Variants in MARCHF3 observed in about 807,000 individuals in gnomAD.
MARCHF3 encodes the protein E3 ubiquitin-protein ligase MARCHF3.
A neutral mutation model predicts 24.2 loss-of-function variants in MARCHF3; 13 were observed. The ratio of observed to expected loss-of-function variants is 0.54; its 90% CI spans 0.35 to 0.85. The LOEUF (loss-of-function observed/expected upper bound fraction) is 0.85, where lower values mean the gene tolerates loss of function less well. Ranked by LOEUF, MARCHF3 falls within the 40% of genes least tolerant of loss-of-function variation. MARCHF3 has a pLI of 0.01. For synonymous variants in MARCHF3, 144 were observed against 137.3 expected (o/e 1.05, Z -0.34); for missense variants, 276 against 325.0 (o/e 0.85, Z 1.16).
intron 1 of MARCHF3, among the ~76,000 whole-genome samples, chr5:126,961,272 C>T (rs758823418): frequency 3.3e-5 from 5 of 152,124 alleles, no homozygotes. Context: ...GGTTTCAACA[C>T]ATTCTCTTTG....
At chr5:126,988,400 G>A (rs1561461288) in intron 1 of MARCHF3, among the ~76,000 whole-genome samples, 1 of 152,132 alleles carries the variant, frequency 6.6e-6, no homozygotes, top group Admixed American at 6.5e-5. Context: ...GATAACCAAA[G>A]TTCACCACTC....
chr5:126,870,422 C>T lies in MARCHF3; in HGVS notation c.*211G>A. 2.1e-6 allele frequency: 1 copy of T among 476,738 alleles called. No individual in the cohort carries two copies. Among genetic ancestry groups the T allele is most frequent in the South Asian group, 4.2e-5 (1 of 24,022 alleles). The allele number at this position is 476,738 out of a possible 1,614,324, so 29.5% of individuals were successfully genotyped here. ...ACATGTTTGGCAGCTTAGCAAATATCATATGATTGCAGCATCCATCATTTG... is the reference window on the plus strand; with the variant it reads ...ACATGTTTGGCAGCTTAGCAAATATTATATGATTGCAGCATCCATCATTTG... On this transcript the variant is annotated 3_prime_UTR_variant, in exon 5 of 5. Coordinates refer to ENST00000308660, the MANE Select transcript of MARCHF3 (RefSeq NM_178450.5).
chr5:126,967,771 C>T (rs1750867117), intron 1 of MARCHF3, among the ~76,000 whole-genome samples: 1 of 152,138 alleles, frequency 6.6e-6, no homozygotes, highest in South Asian at 2.1e-4. Flanking sequence ...CAAACTGTAA[C>T]CCCATAGACC....
chr5:126,977,795 G>T (rs886788590), intron 1 of MARCHF3, among the ~76,000 whole-genome samples: 1 of 152,136 alleles, frequency 6.6e-6, no homozygotes, highest in East Asian at 1.9e-4. Context: ...AACACTATTC[G>T]GCCATTCCGA....
At chr5:127,007,924 A>G (rs1752358812) in intron 1 of MARCHF3, among the ~76,000 whole-genome samples, 1 of 151,972 alleles carries the variant, frequency 6.6e-6, no homozygotes, top group Admixed American at 6.5e-5. Context: ...ATGGACACAC[A>G]TAAATACATG....
chr5:126,986,063 T>C (rs1291374952), intron 1 of MARCHF3, among the ~76,000 whole-genome samples: 1 of 152,232 alleles, frequency 6.6e-6, no homozygotes, highest in Admixed American at 6.5e-5. Flanking sequence ...TATGGAAATA[T>C]GTTCATTGTC....
Position 126,908,430 on chromosome 5 carries a change from C to A in MARCHF3, c.393+6500G>T, listed in dbSNP as rs188424252. ...CTGCAGAATGTTTTCCAACTTGGTT[C>A]CATTCTCCCTGTCACTTTCAGGTAC... On this transcript the variant is annotated intron_variant, in intron 3 of 4. Transcript: ENST00000308660. Among the ~76,000 whole-genome samples the A allele has an allele frequency of 1.2e-4, 18 of 152,258 alleles. No homozygotes were observed. In the East Asian group the frequency reaches 3.5e-3, roughly 29 times the overall value.
intron 3 of MARCHF3, among the ~76,000 whole-genome samples, chr5:126,903,859 A>T (rs1242195400): frequency 6.6e-6 from 1 of 151,926 alleles, no homozygotes; most frequent in East Asian, 1.9e-4. Flanking sequence ...CATGTGCACA[A>T]TGGGCAGGTT....
intron 1 of MARCHF3, among the ~76,000 whole-genome samples, chr5:126,922,789 G>A (rs61699231): frequency 0.02 from 3,088 of 152,074 alleles, 71 homozygotes; most frequent in South Asian, 0.11. Flanking sequence ...CTCGTGATCC[G>A]CCCACCTCGG....
intron 3 of MARCHF3, among the ~76,000 whole-genome samples, chr5:126,902,813 G>A (rs575362075): frequency 6.6e-6 from 1 of 152,214 alleles, no homozygotes; most frequent in South Asian, 2.1e-4. Context: ...CAGGATCAAG[G>A]ATTGTTGGGG....
chr5:126,982,448 G>T (rs1751423774), intron 1 of MARCHF3, among the ~76,000 whole-genome samples: 1 of 152,164 alleles, frequency 6.6e-6, no homozygotes, highest in Non-Finnish European at 1.5e-5. Flanking sequence ...TGACAGTGAG[G>T]GAGGCTGTCC....
intron 1 of MARCHF3, among the ~76,000 whole-genome samples, chr5:127,022,634 G>A (rs775899427): frequency 3.3e-5 from 5 of 152,156 alleles, no homozygotes; most frequent in Non-Finnish European, 7.3e-5. Flanking sequence ...CATCTGGAAC[G>A]TCCCTTGAGT....
intron 1 of MARCHF3, among the ~76,000 whole-genome samples, chr5:126,974,309 C>T (rs1046803059): frequency 3.3e-5 from 5 of 152,186 alleles, no homozygotes; most frequent in Non-Finnish European, 5.9e-5. Context: ...GCTCCTGGCC[C>T]CCATCCTTTC....
At chr5:126,947,619 G>A (rs1013370246) in intron 1 of MARCHF3, among the ~76,000 whole-genome samples, 3 of 152,186 alleles carry the variant, frequency 2.0e-5, no homozygotes, top group African/African-American at 2.4e-5. Context: ...GGCAAAGGCC[G>A]TACGTGTGCA....
At chr5:126,909,320 G>A (rs1453762637) in intron 3 of MARCHF3, among the ~76,000 whole-genome samples, 9 of 152,250 alleles carry the variant, frequency 5.9e-5, no homozygotes. Context: ...GAGGCAGGCA[G>A]GCCTCCTTGA....
chr5:126,911,434 G>A (rs1047196601), intron 3 of MARCHF3, among the ~76,000 whole-genome samples: 19 of 152,032 alleles, frequency 1.2e-4, no homozygotes, highest in Admixed American at 3.9e-4. Context: ...CAGACTGGCC[G>A]ACACTTAGGG....
intron 1 of MARCHF3, among the ~76,000 whole-genome samples, chr5:127,019,914 G>A (rs1752740612): frequency 6.6e-6 from 1 of 152,230 alleles, no homozygotes; most frequent in Admixed American, 6.5e-5. Context: ...GTCTAGGACA[G>A]GAACTAGGAC....
At chr5:126,932,564 C>T (rs1043854785) in intron 1 of MARCHF3, among the ~76,000 whole-genome samples, 1 of 152,134 alleles carries the variant, frequency 6.6e-6, no homozygotes. Context: ...GTCATTGGAA[C>T]AATGGGGTAA....
At chr5:126,911,079 T>C (rs1483367568) in intron 3 of MARCHF3, among the ~76,000 whole-genome samples, 3 of 152,200 alleles carry the variant, frequency 2.0e-5, no homozygotes, top group Non-Finnish European at 2.9e-5. Flanking sequence ...CTAATAAATT[T>C]TGGTCAGACC....
Sources: gnomAD v4.1 joint callset for allele counts (sites outside exome capture counted in the v4.1 genomes callset) on GRCh38, gnomAD v4.1.1 for gene constraint, MANE v1.5 for transcripts, NCBI Gene and HGNC (gene_info 2026-07-23, HGNC 2026-07-21) for gene names.